The following PRDM6 variants were observed in gnomAD, a reference collection of about 807,000 sequenced individuals.
The protein encoded by PRDM6 is PR/SET domain 6.
Under a neutral mutation model 60.8 loss-of-function variants are expected in PRDM6, and 25 were observed. The ratio of observed to expected loss-of-function variants is 0.41; its 90% confidence interval spans 0.30 to 0.57. The LOEUF (loss-of-function observed/expected upper bound fraction) is 0.57. Ranked by LOEUF, PRDM6 falls within the 20% of genes least tolerant of loss-of-function variation. The probability of loss-of-function intolerance (pLI) is 0.27; values close to 1 mark genes in which losing one functional copy is unlikely to be tolerated. For synonymous variants in PRDM6, 407 were observed against 357.4 expected (o/e 1.14, Z -1.57); for missense variants, 839 against 821.3 (o/e 1.02, Z -0.26).
intron 5 of PRDM6, among the ~76,000 whole-genome samples, chr5:123,169,246 G>T (rs547630267): frequency 6.6e-6 from 1 of 152,076 alleles, no homozygotes; most frequent in Non-Finnish European, 1.5e-5. Context: ...AGCCTATTAG[G>T]TTCTAATCAC....
chr5:123,192,928 T>C lies in PRDM6; in HGVS notation c.*5727T>C, dbSNP rs1358893875. On this transcript the variant is annotated 3_prime_UTR_variant, in exon 8 of 8. Coordinates refer to ENST00000407847, the MANE Select transcript of PRDM6 (RefSeq NM_001136239.4). ...CTGGAGTCATTATAGGTTTGGTTTG[T>C]CAAAGGCACAGATAGTGTAGTTACA... 1 of 152,224 alleles carries C rather than the reference T, an allele frequency of 6.6e-6. No homozygotes were observed. The highest frequency in any genetic ancestry group is 1.5e-5 in the Non-Finnish European group (1 of 68,054). The allele number at this position is 152,224 out of a possible 1,614,324, so 9.4% of individuals were successfully genotyped here. A position where few individuals can be genotyped will look rare whatever the true frequency, so the allele number is the denominator to read the frequency against.
In PRDM6 at chr5:123,090,578, C is replaced by T. The variant is rs1280300373; in HGVS notation, c.564C>T (p.Leu188=). 3 of 1,525,370 alleles carry T rather than the reference C, an allele frequency of 2.0e-6. No individual in the cohort carries two copies. The highest frequency in any genetic ancestry group is 2.8e-5 in the African/African-American group (2 of 71,590). The allele number at this position is 1,525,370 out of a possible 1,614,324, so 94.5% of individuals were successfully genotyped here. The part of the protein sequence containing the change: ...YGQQRMEIIP[L]NQHTSDPNNR... ...AGCAGCGCATGGAGATCATCCCGCTCAACCAGCACACCAGCGACCCCAACA... is the reference window on the plus strand; with the variant it reads ...AGCAGCGCATGGAGATCATCCCGCTTAACCAGCACACCAGCGACCCCAACA... Residue 188 remains leucine (L), a synonymous_variant, in exon 2 of 8, where the codon CTC becomes CTT. Transcript: ENST00000407847.
At chr5:123,098,046 G>C (rs1763997887) in intron 2 of PRDM6, among the ~76,000 whole-genome samples, 1 of 152,174 alleles carries the variant, frequency 6.6e-6, no homozygotes, top group Non-Finnish European at 1.5e-5. Context: ...ATGGCAAATC[G>C]AGGGCTCCCT....
At chr5:123,134,612 G>T (rs1195220144) in intron 3 of PRDM6, among the ~76,000 whole-genome samples, 2 of 152,022 alleles carry the variant, frequency 1.3e-5, no homozygotes, top group Non-Finnish European at 2.9e-5. Flanking sequence ...ATCTTAAAAG[G>T]AACTGAGCTT....
chr5:123,093,850 T>G (rs967426837), intron 2 of PRDM6, among the ~76,000 whole-genome samples: 7 of 151,668 alleles, frequency 4.6e-5, no homozygotes, highest in African/African-American at 1.5e-4. Flanking sequence ...AGCCCATTAG[T>G]TTTTCAGGCC....
chr5:123,176,283 A>C (rs1015714719), intron 6 of PRDM6, among the ~76,000 whole-genome samples: 4 of 150,412 alleles, frequency 2.7e-5, no homozygotes, highest in Admixed American at 2.0e-4. Flanking sequence ...AAAAAAAAAA[A>C]CAAAAAAAAA....
chr5:123,094,736 T>A (rs1763919847), intron 2 of PRDM6, among the ~76,000 whole-genome samples: 1 of 152,120 alleles, frequency 6.6e-6, no homozygotes, highest in Non-Finnish European at 1.5e-5. Flanking sequence ...TTCGATCTCC[T>A]CTCGCGGCTC....
At chr5:123,109,060 C>G (rs1362182391) in intron 3 of PRDM6, among the ~76,000 whole-genome samples, 3 of 152,086 alleles carry the variant, frequency 2.0e-5, no homozygotes, top group African/African-American at 7.2e-5. Flanking sequence ...AACACTTCTA[C>G]CAATATCTTC....
intron 3 of PRDM6, among the ~76,000 whole-genome samples, chr5:123,107,579 C>G (rs1764223610): frequency 6.6e-6 from 1 of 152,206 alleles, no homozygotes; most frequent in African/African-American, 2.4e-5. Context: ...AAGTAACTGA[C>G]TTTGAGACAT....
intron 5 of PRDM6, among the ~76,000 whole-genome samples, chr5:123,160,170 G>T (rs1044076031): frequency 1.3e-5 from 2 of 152,216 alleles, no homozygotes; most frequent in Non-Finnish European, 2.9e-5. Context: ...TGAGGAATTT[G>T]TGTCTTTCTA....
chr5:123,159,721 A>G (rs1765585090), intron 5 of PRDM6, 83 bp downstream of exon 5: 7 of 1,351,888 alleles, frequency 5.2e-6, no homozygotes, highest in Non-Finnish European at 7.2e-6. Flanking sequence ...TTTGAAACTC[A>G]TGAAACGTGG....
At chr5:123,136,879 G>A (rs1367860349) in intron 3 of PRDM6, among the ~76,000 whole-genome samples, 1 of 152,028 alleles carries the variant, frequency 6.6e-6, no homozygotes, top group African/African-American at 2.4e-5. Context: ...GGGAACCTTA[G>A]CAGCTGAGGG....
intron 6 of PRDM6, among the ~76,000 whole-genome samples, chr5:123,176,278 A>C (rs992155857): frequency 6.6e-6 from 1 of 150,866 alleles, no homozygotes; most frequent in African/African-American, 2.5e-5. Context: ...GGTAAAAAAA[A>C]AAAAACAAAA....
At chr5:123,133,114 A>C (rs1246867966) in intron 3 of PRDM6, among the ~76,000 whole-genome samples, 1 of 152,158 alleles carries the variant, frequency 6.6e-6, no homozygotes, top group Non-Finnish European at 1.5e-5. Flanking sequence ...AGTCAGTGAC[A>C]TACAGTGTGA....
chr5:123,148,687 T>C (rs1259167552), intron 3 of PRDM6, among the ~76,000 whole-genome samples: 1 of 152,164 alleles, frequency 6.6e-6, no homozygotes, highest in African/African-American at 2.4e-5. Flanking sequence ...TTGCTAGTTG[T>C]TTACATTTTA....
At chr5:123,170,393 C>T (rs1414459240) in intron 5 of PRDM6, among the ~76,000 whole-genome samples, 1 of 152,238 alleles carries the variant, frequency 6.6e-6, no homozygotes, top group African/African-American at 2.4e-5. Context: ...GGGCTACCCT[C>T]TCTGGGCAAC....
chr5:123,096,854 A>G (rs1291290509), intron 2 of PRDM6, among the ~76,000 whole-genome samples: 1 of 152,194 alleles, frequency 6.6e-6, no homozygotes, highest in Non-Finnish European at 1.5e-5. Context: ...ATGCATTACA[A>G]ATATTAGAAG....
At chr5:123,182,781 T>A (rs1766192730) in intron 7 of PRDM6, among the ~76,000 whole-genome samples, 1 of 152,216 alleles carries the variant, frequency 6.6e-6, no homozygotes, top group South Asian at 2.1e-4. Flanking sequence ...TTCTTTCTGT[T>A]CCTACTTTTA....
At position 123,099,298 on chromosome 5, in the gene PRDM6, C is replaced by G. The variant is rs1764035980; in HGVS notation, c.593-356C>G. Reference sequence around the variant, plus strand: ...ACAGTAGGGAAGAGAGAGAGAGAGACAGAGACAGAGGGAGAGATGCAGAGA... The same window carrying G: ...ACAGTAGGGAAGAGAGAGAGAGAGAGAGAGACAGAGGGAGAGATGCAGAGA... On this transcript the variant is annotated intron_variant, in intron 2 of 7. Transcript: ENST00000407847. This position sits in a 1 kb window ranked among gnomAD's most constrained non-coding sequence, Gnocchi z 4.0. Among the ~76,000 whole-genome samples the G allele has an allele frequency of 6.6e-6, 1 of 151,896 alleles. No homozygotes were observed. The highest frequency in any genetic ancestry group is 2.1e-4 in the South Asian group (1 of 4,806).
Sources: allele counts gnomAD v4.1 joint callset (sites outside exome capture counted in the v4.1 genomes callset), GRCh38; gene constraint gnomAD v4.1.1; non-coding constraint Gnocchi (gnomAD v3.1); transcripts MANE v1.5; gene names NCBI Gene and HGNC (gene_info 2026-07-23, HGNC 2026-07-21).